Variants in CSMD1 observed in about 807,000 individuals in gnomAD.
The protein encoded by CSMD1 is CUB and Sushi multiple domains 1, also known as CUB and sushi domain-containing protein 1.
Under a neutral mutation model 417.5 loss-of-function variants are expected in CSMD1, and 213 were observed. That is an observed-to-expected ratio of 0.51 (90% confidence interval 0.46 to 0.57). The LOEUF is 0.57. Among genes scored for constraint, CSMD1 ranks in the 20% least tolerant of loss-of-function variants. The pLI is 0.00. For missense variants in CSMD1, 6,923 were observed against 4,529.7 expected (o/e 1.53, Z -15.17); for synonymous variants, 2,862 against 1,736.8 (o/e 1.65, Z -16.11).
At chr8:4,066,900 A>G (rs1799279987) in intron 3 of CSMD1, among the ~76,000 whole-genome samples, 1 of 152,236 alleles carries the variant, frequency 6.6e-6, no homozygotes, top group Non-Finnish European at 1.5e-5. Flanking sequence ...CGTAACTATA[A>G]CATTATGCTT....
At chr8:3,872,826 A>C (rs776360566) in intron 5 of CSMD1, among the ~76,000 whole-genome samples, 34 of 148,914 alleles carry the variant, frequency 2.3e-4, no homozygotes, top group Non-Finnish European at 4.6e-4. Context: ...ACAAATTTAC[A>C]ATAAGACAGC....
intron 3 of CSMD1, among the ~76,000 whole-genome samples, chr8:4,352,403 G>T (rs978656713): frequency 1.3e-5 from 2 of 152,148 alleles, no homozygotes; most frequent in Admixed American, 1.3e-4. Context: ...CACAGAAAAT[G>T]AGAACACCAG....
At chr8:4,929,962 T>G (rs1282949238) in intron 1 of CSMD1, among the ~76,000 whole-genome samples, 2 of 152,236 alleles carry the variant, frequency 1.3e-5, no homozygotes, top group African/African-American at 4.8e-5. Flanking sequence ...TACAGTTTTC[T>G]GTTGTGAGAT....
chr8:4,375,262 T>C (rs1472916361), intron 3 of CSMD1, among the ~76,000 whole-genome samples: 1 of 152,072 alleles, frequency 6.6e-6, no homozygotes, highest in Admixed American at 6.6e-5. Context: ...CAGTTGTCCA[T>C]AAACAGACTT....
At chr8:4,391,371 A>C (rs1405487946) in intron 3 of CSMD1, among the ~76,000 whole-genome samples, 2 of 152,158 alleles carry the variant, frequency 1.3e-5, no homozygotes, top group Non-Finnish European at 2.9e-5. Flanking sequence ...TTTCCACTAC[A>C]ATGCAGAAAA....
At chr8:3,981,374 G>C (rs892042018) in intron 5 of CSMD1, among the ~76,000 whole-genome samples, 4 of 151,952 alleles carry the variant, frequency 2.6e-5, no homozygotes, top group Non-Finnish European at 4.4e-5. Context: ...AAGGATAAAA[G>C]ACAACAAATA....
chr8:4,214,332 C>G (rs967760285), intron 3 of CSMD1, among the ~76,000 whole-genome samples: 1 of 152,186 alleles, frequency 6.6e-6, no homozygotes, highest in African/African-American at 2.4e-5. Flanking sequence ...AGGTCTCACT[C>G]TGTCACTGAG....
intron 2 of CSMD1, among the ~76,000 whole-genome samples, chr8:4,603,752 G>A (rs1026514644): frequency 6.6e-6 from 1 of 152,108 alleles, no homozygotes; most frequent in African/African-American, 2.4e-5. Context: ...GACAATTTAG[G>A]ATGATTTTGG....
rs148214670 is a variant in CSMD1, at chr8:4,318,521, G to C, written c.415+101432C>G. On this transcript the variant is annotated intron_variant, in intron 3 of 69. Transcript: ENST00000635120. Reference sequence around the variant, plus strand: ...CTACTCAACTGGCGAGAAAACTTGAGTAAGTACTGATTAATAAAGTTACGT... The same window carrying C: ...CTACTCAACTGGCGAGAAAACTTGACTAAGTACTGATTAATAAAGTTACGT... Among the ~76,000 whole-genome samples the C allele has an allele frequency of 1.6e-3, 241 of 152,108 alleles. 2 individuals are homozygous for C. The highest frequency in any genetic ancestry group is 5.3e-3 in the African/African-American group (219 of 41,510).
intron 25 of CSMD1, among the ~76,000 whole-genome samples, chr8:3,302,239 T>A (rs1172816727): frequency 1.3e-5 from 2 of 152,168 alleles, no homozygotes; most frequent in Non-Finnish European, 2.9e-5. Flanking sequence ...CTTCCACCAT[T>A]TTATCTCTTG....
rs1034936705 is a variant in CSMD1 at position 3,865,456 on chromosome 8, G to T, written c.819-111414C>A. 9.2e-5 allele frequency among the ~76,000 whole-genome samples: 14 copies of T among 152,202 alleles called. No homozygotes were observed. The East Asian group carries it at 2.5e-3, about 27-fold the overall frequency. On this transcript the variant is annotated intron_variant, in intron 5 of 69. Coordinates refer to ENST00000635120, the MANE Select transcript of CSMD1 (RefSeq NM_033225.6). Reference sequence around the variant, plus strand: ...TGAGGGCTCAGAGGCAGAGTCACAGGTGCTCTTCAGAGATGGGAGGTGCTC... The same window carrying T: ...TGAGGGCTCAGAGGCAGAGTCACAGTTGCTCTTCAGAGATGGGAGGTGCTC...
intron 4 of CSMD1, among the ~76,000 whole-genome samples, chr8:4,028,756 T>A (rs769416330): frequency 2.0e-5 from 3 of 152,212 alleles, no homozygotes; most frequent in Non-Finnish European, 2.9e-5. Flanking sequence ...GTGCTTGTTG[T>A]GAGAGTTAAA....
At chr8:3,853,124 G>A (rs1054071412) in intron 5 of CSMD1, among the ~76,000 whole-genome samples, 3 of 152,208 alleles carry the variant, frequency 2.0e-5, no homozygotes, top group African/African-American at 7.2e-5. Flanking sequence ...AGCAGCAGTG[G>A]CAGCAGGTGG....
At chr8:4,324,295 T>G (rs545386896) in intron 3 of CSMD1, among the ~76,000 whole-genome samples, 32 of 152,322 alleles carry the variant, frequency 2.1e-4, no homozygotes, top group African/African-American at 7.7e-4. Flanking sequence ...AACTGCGTAT[T>G]CCATTAACTA....
chr8:4,014,080 C>G (rs1226514853), intron 4 of CSMD1, among the ~76,000 whole-genome samples: 2 of 152,130 alleles, frequency 1.3e-5, no homozygotes, highest in Admixed American at 6.5e-5. Context: ...AACTTTTGAG[C>G]ATCATTTCAA....
intron 10 of CSMD1, among the ~76,000 whole-genome samples, chr8:3,521,172 G>T (rs559390571): frequency 2.6e-5 from 4 of 152,086 alleles, no homozygotes. Context: ...TATTAAAACA[G>T]GTTAACTCTA....
intron 8 of CSMD1, among the ~76,000 whole-genome samples, chr8:3,597,234 G>C (rs1041465742): frequency 6.6e-6 from 1 of 152,072 alleles, no homozygotes; most frequent in African/African-American, 2.4e-5. Context: ...CGGGCCCCAG[G>C]GGTACACCCA....
intron 7 of CSMD1, among the ~76,000 whole-genome samples, chr8:3,675,698 T>TCC (rs1799336938): frequency 1.3e-5 from 2 of 152,108 alleles, no homozygotes; most frequent in Admixed American, 1.3e-4. Context: ...AGGAAACGGG[T>TCC]CCTTGCAAGA....
chr8:3,791,459 G>C (rs112342879), intron 5 of CSMD1, among the ~76,000 whole-genome samples: 3 of 152,190 alleles, frequency 2.0e-5, no homozygotes, highest in Non-Finnish European at 4.4e-5. Flanking sequence ...CTGATACGTA[G>C]CTTGTAATAC....
Sources: gnomAD v4.1 joint callset for allele counts (sites outside exome capture counted in the v4.1 genomes callset) on GRCh38, gnomAD v4.1.1 for gene constraint, MANE v1.5 for transcripts, NCBI Gene and HGNC (gene_info 2026-07-23, HGNC 2026-07-21) for gene names.